Variants in STK32B observed in about 807,000 individuals in gnomAD.
STK32B encodes the protein serine/threonine kinase 32B.
Under a neutral mutation model 52.6 loss-of-function variants are expected in STK32B, and 43 were observed. The observed-to-expected ratio is 0.82, with a 90% CI of 0.64 to 1.05. The LOEUF (loss-of-function observed/expected upper bound fraction) is 1.05, where lower values mean the gene tolerates loss of function less well. Ranked by LOEUF, STK32B falls within the 50% of genes least tolerant of loss-of-function variation. The probability of loss-of-function intolerance (pLI) is 0.00; values close to 1 mark genes in which losing one functional copy is unlikely to be tolerated. For missense variants in STK32B, 621 were observed against 534.6 expected, an observed-to-expected ratio of 1.16 and a Z score of -1.59; for synonymous variants, 238 against 204.3, an observed-to-expected ratio of 1.17 and a Z score of -1.41.
Position 5,111,762 on chromosome 4 carries a change from TAAAG to T in STK32B, c.53-28139_53-28136del, listed in dbSNP as rs1446646569. On this transcript the variant is annotated intron_variant, in intron 1 of 11. Transcript: ENST00000282908. ...GTACCCCTGAATCTAAAATTAAAAA[TAAAG>T]AAAACGATGTGTATGGACCTCCTTG... Among the ~76,000 whole-genome samples the T allele has an allele frequency of 3.9e-5, 6 of 152,092 alleles. No individual in the cohort carries two copies. In the South Asian group the frequency reaches 8.3e-4, roughly 21 times the overall value.
intron 2 of STK32B, among the ~76,000 whole-genome samples, chr4:5,153,023 C>T (rs1267478821): frequency 6.6e-6 from 1 of 152,164 alleles, no homozygotes; most frequent in African/African-American, 2.4e-5. Context: ...TTATTATCCC[C>T]GTTTTACAAA....
At chr4:5,055,620 C>T (rs1416224389) in intron 1 of STK32B, among the ~76,000 whole-genome samples, 1 of 152,108 alleles carries the variant, frequency 6.6e-6, no homozygotes, top group Non-Finnish European at 1.5e-5. Flanking sequence ...TATAGATGCC[C>T]ATCAGGTGCT....
At chr4:5,160,750 C>T (rs994988582) in intron 2 of STK32B, among the ~76,000 whole-genome samples, 2 of 152,198 alleles carry the variant, frequency 1.3e-5, no homozygotes, top group Non-Finnish European at 2.9e-5. Context: ...ATGGGGTTCA[C>T]AACTCAGTAG....
At chr4:5,313,113 A>C (rs1280261989) in intron 3 of STK32B, among the ~76,000 whole-genome samples, 4 of 127,908 alleles carry the variant, frequency 3.1e-5, no homozygotes, top group Non-Finnish European at 5.9e-5. Context: ...TGTGGTTTTT[A>C]AAAACCACAA....
intron 1 of STK32B, among the ~76,000 whole-genome samples, chr4:5,135,582 C>T (rs1385697256): frequency 6.6e-6 from 1 of 152,136 alleles, no homozygotes; most frequent in East Asian, 1.9e-4. Context: ...GTTATTTTTC[C>T]TAATATATTA....
chr4:5,362,591 A>C (rs1734618739), intron 4 of STK32B, among the ~76,000 whole-genome samples: 1 of 152,236 alleles, frequency 6.6e-6, no homozygotes, highest in Non-Finnish European at 1.5e-5. Context: ...AGCAGCAGCC[A>C]GGTCCCTGCA....
rs940658123 is a variant in STK32B at position 5,399,087 on chromosome 4, C to G, written c.472+843C>G. 6.6e-6 allele frequency among the ~76,000 whole-genome samples: 1 copy of G among 152,204 alleles called. No individual in the cohort carries two copies. The highest frequency in any genetic ancestry group is 3.2e-3 in the Middle Eastern group (1 of 316). ...GAGCCTAGGGCTCAGATCAAGAATG[C>G]TCAGTGGACTTGACAATCAATTGTG... On this transcript the variant is annotated intron_variant, in intron 5 of 11. Transcript: ENST00000282908. The surrounding 1 kb of genome is among the most constrained non-coding windows in gnomAD (Gnocchi z 5.4).
At chr4:5,325,112 G>A (rs2108945095) in intron 3 of STK32B, among the ~76,000 whole-genome samples, 1 of 152,286 alleles carries the variant, frequency 6.6e-6, no homozygotes, top group South Asian at 2.1e-4. Context: ...ACCCCATGTG[G>A]CATTGCTTCT....
At chr4:5,062,262 A>G (rs1178467649) in intron 1 of STK32B, among the ~76,000 whole-genome samples, 5 of 152,096 alleles carry the variant, frequency 3.3e-5, no homozygotes, top group Admixed American at 6.5e-5. Context: ...AAATCACTAC[A>G]TCTAACTTGT....
chr4:5,468,124 G>A, intron 11 of STK32B, 54 bp downstream of exon 11: 1 of 1,588,462 alleles, frequency 6.3e-7, no homozygotes, highest in Non-Finnish European at 8.6e-7. Context: ...GTGACCCAAG[G>A]TCCTCCTGGC....
intron 9 of STK32B, among the ~76,000 whole-genome samples, chr4:5,464,934 T>C (rs1237917150): frequency 6.6e-6 from 1 of 152,144 alleles, no homozygotes; most frequent in Non-Finnish European, 1.5e-5. Context: ...TTCAACTTGC[T>C]CCTTAGGGGA....
At chr4:5,459,068 A>G in intron 8 of STK32B, among the ~76,000 whole-genome samples, 1 of 152,230 alleles carries the variant, frequency 6.6e-6, no homozygotes, top group East Asian at 1.9e-4. Context: ...TCCACATGGT[A>G]TTGAAGTGGA....
At chr4:5,461,747 A>G (rs1717042247) in intron 9 of STK32B, among the ~76,000 whole-genome samples, 1 of 152,304 alleles carries the variant, frequency 6.6e-6, no homozygotes, top group Non-Finnish European at 1.5e-5. Context: ...CAGGTCGCAC[A>G]GGGCTTCGTC....
At chr4:5,098,476 A>T (rs911975008) in intron 1 of STK32B, among the ~76,000 whole-genome samples, 2 of 152,212 alleles carry the variant, frequency 1.3e-5, no homozygotes, top group Non-Finnish European at 2.9e-5. Flanking sequence ...CTTCATGAGT[A>T]TGTGGTATGC....
chr4:5,112,870 A>G (rs1714481156), intron 1 of STK32B, among the ~76,000 whole-genome samples: 1 of 152,196 alleles, frequency 6.6e-6, no homozygotes, highest in Non-Finnish European at 1.5e-5. Context: ...AATGTGACTG[A>G]TCAAAGTGAA....
intron 4 of STK32B, among the ~76,000 whole-genome samples, chr4:5,379,936 C>T (rs945065393): frequency 2.0e-5 from 3 of 152,168 alleles, no homozygotes; most frequent in South Asian, 2.1e-4. Context: ...ATCACCTTAG[C>T]GATGACTGCC....
intron 4 of STK32B, among the ~76,000 whole-genome samples, chr4:5,360,749 T>C (rs1284669898): frequency 6.6e-6 from 1 of 152,146 alleles, no homozygotes; most frequent in Non-Finnish European, 1.5e-5. Flanking sequence ...GAGGACGCAG[T>C]GAACCGAGAT....
chr4:5,102,853 C>CTT (rs1713887913), intron 1 of STK32B, among the ~76,000 whole-genome samples: 1 of 34,942 alleles, frequency 2.9e-5, no homozygotes, highest in Admixed American at 2.8e-4. Flanking sequence ...TCTCTCCTCC[C>CTT]CCTCCCTCCC....
intron 3 of STK32B, among the ~76,000 whole-genome samples, chr4:5,220,002 G>A (rs1577207435): frequency 6.6e-6 from 1 of 152,154 alleles, no homozygotes; most frequent in Admixed American, 6.5e-5. Flanking sequence ...GTACAAACTT[G>A]CTGTAATTAT....
Sources: allele counts gnomAD v4.1 joint callset (sites outside exome capture counted in the v4.1 genomes callset), GRCh38; gene constraint gnomAD v4.1.1; non-coding constraint Gnocchi (gnomAD v3.1); transcripts MANE v1.5; gene names NCBI Gene and HGNC (gene_info 2026-07-23, HGNC 2026-07-21).